ERICH6: variants seen among roughly 807,000 people sequenced by gnomAD.
ERICH6 encodes glutamate-rich protein 6.
ERICH6 carries 71 observed loss-of-function variants against 71.0 expected under a neutral mutation model. That is an observed-to-expected ratio of 1.00 (90% CI 0.83 to 1.22). ERICH6 has a LOEUF of 1.22. Among genes scored for constraint, ERICH6 ranks in the 50% most tolerant of loss-of-function variants. The probability of loss-of-function intolerance (pLI) is 0.00; values close to 1 mark genes in which losing one functional copy is unlikely to be tolerated. For synonymous variants in ERICH6, 262 were observed against 278.4 expected (o/e 0.94, Z 0.59); for missense variants, 808 against 797.2 (o/e 1.01, Z -0.16).
chr3:150,689,275 C>G (rs1021776687), intron 3 of ERICH6, among the ~76,000 whole-genome samples: 2 of 152,104 alleles, frequency 1.3e-5, no homozygotes, highest in African/African-American at 4.8e-5. Context: ...AGGCAGGTAA[C>G]TATTTTATAT....
chr3:150,700,794 G>A (rs112787304), intron 2 of ERICH6, among the ~76,000 whole-genome samples: 5,383 of 152,204 alleles, frequency 0.035, 310 homozygotes, highest in African/African-American at 0.12. Flanking sequence ...ATGTTGGCCA[G>A]GCTGGTCTTG....
chr3:150,696,466 A>G (rs554355963), intron 3 of ERICH6, among the ~76,000 whole-genome samples: 1 of 152,310 alleles, frequency 6.6e-6, no homozygotes, highest in African/African-American at 2.4e-5. Flanking sequence ...TATATTTAAC[A>G]AAAATGACCA....
intron 10 of ERICH6, among the ~76,000 whole-genome samples, chr3:150,677,649 A>C (rs1711714215): frequency 6.6e-6 from 1 of 151,998 alleles, no homozygotes; most frequent in South Asian, 2.1e-4. Flanking sequence ...GGTGCATGTC[A>C]ACATGCATGG....
chr3:150,668,996 C>T (rs1711496367), intron 12 of ERICH6, among the ~76,000 whole-genome samples: 2 of 152,092 alleles, frequency 1.3e-5, no homozygotes, highest in Non-Finnish European at 2.9e-5. Context: ...ATCCCAAATC[C>T]CTAGAGTTAC....
intron 10 of ERICH6, among the ~76,000 whole-genome samples, chr3:150,677,501 A>C (rs1473112235): frequency 6.6e-6 from 1 of 151,362 alleles, no homozygotes; most frequent in Non-Finnish European, 1.5e-5. Context: ...ATGAAAAAAA[A>C]ATTTTTTTTT....
chr3:150,693,125 C>A (rs2108073210), intron 3 of ERICH6, among the ~76,000 whole-genome samples: 1 of 152,258 alleles, frequency 6.6e-6, no homozygotes, highest in East Asian at 1.9e-4. Context: ...CTCCTAAGAA[C>A]AAAATTTGGA....
rs773608227 is a variant in ERICH6 at position 150,682,281 on chromosome 3, A to G, written c.819T>C (p.Phe273=). 1.2e-6 allele frequency: 2 copies of G among 1,613,784 alleles called. No individual in the cohort carries two copies. The highest frequency in any genetic ancestry group is 1.1e-5 in the South Asian group (1 of 91,082). Residue 273 remains phenylalanine (F), a synonymous_variant, in exon 7 of 14, where the codon TTT becomes TTC. Transcript: ENST00000295910. ...AAAATGCTCTTAGATCGCTGCCACA[A>G]AATTCACATTTGGGTGATGTCTCCT... ...EEEETSPKCE[F]CGSDLRAFFS...
At position 150,669,416 on chromosome 3, in the gene ERICH6, G is replaced by A; in HGVS notation, c.1379C>T (p.Pro460Leu). ...PSGNLAIIRVPNKVNGFTCIV... is the reference protein window; with the variant it reads ...PSGNLAIIRVLNKVNGFTCIV... ...ACAAGTAAAACCATTTACCTTGTTG[G>A]GCACTCGAATGATGGCTAGGTTTCC... is the stretch of plus-strand genomic sequence containing the variant. Residue 460 changes from proline (P) to leucine (L), a missense_variant, in exon 12 of 14, where the codon CCC becomes CTC. Physicochemically the swap from Pro to Leu is moderately conservative, Grantham distance 98. This residue lies in a region of ERICH6 where 736 missense variants were observed against 712.2 expected (regional missense o/e 1.03). Coordinates refer to ENST00000295910, the MANE Select transcript of ERICH6 (RefSeq NM_152394.5). 1 of 1,613,392 alleles carries A rather than the reference G, an allele frequency of 6.2e-7. No homozygotes were observed. The highest frequency in any genetic ancestry group is 8.5e-7 in the Non-Finnish European group (1 of 1,179,768).
intron 13 of ERICH6, among the ~76,000 whole-genome samples, chr3:150,663,332 G>A (rs934862209): frequency 3.9e-5 from 6 of 152,314 alleles, no homozygotes; most frequent in East Asian, 1.9e-4. Flanking sequence ...GTGAAACAGC[G>A]TTTAGAGTTG....
chr3:150,671,190 C>G (rs761469309), intron 11 of ERICH6, among the ~76,000 whole-genome samples: 1 of 152,140 alleles, frequency 6.6e-6, no homozygotes, highest in Non-Finnish European at 1.5e-5. Context: ...GTCTAGGGAA[C>G]TAAAACTTCA....
At chr3:150,688,572 A>G (rs2050763743) in intron 3 of ERICH6, among the ~76,000 whole-genome samples, 1 of 152,222 alleles carries the variant, frequency 6.6e-6, no homozygotes, top group Non-Finnish European at 1.5e-5. Flanking sequence ...CTAAGTTGAA[A>G]GGAAAAGTCA....
intron 10 of ERICH6, among the ~76,000 whole-genome samples, chr3:150,676,293 C>A (rs1711650408): frequency 6.6e-6 from 1 of 151,914 alleles, no homozygotes; most frequent in African/African-American, 2.4e-5. Context: ...TTTTCATTTT[C>A]ATTTCAGTTC....
Position 150,667,009 on chromosome 3 carries a change from G to GTA in ERICH6, c.1504_1505dup (p.Ile503ThrfsTer17). 1.2e-6 allele frequency: 2 copies of GTA among 1,612,974 alleles called. No individual in the cohort carries two copies. The highest frequency in any genetic ancestry group is 8.5e-7 in the Non-Finnish European group (1 of 1,179,298). ...AATATTGACCTCCCAAGATATTGATGTATACCCTGGTCAGGAAGGAAATGT... is the reference window on the plus strand; with the variant it reads ...AATATTGACCTCCCAAGATATTGATGTATATACCCTGGTCAGGAAGGAAATGT... On this transcript the variant is annotated frameshift_variant, in exon 13 of 14. Coordinates refer to ENST00000295910, the MANE Select transcript of ERICH6 (RefSeq NM_152394.5). LOFTEE classifies it high-confidence loss of function.
chr3:150,691,220 T>C (rs1712417515), intron 3 of ERICH6, among the ~76,000 whole-genome samples: 1 of 152,196 alleles, frequency 6.6e-6, no homozygotes, highest in Non-Finnish European at 1.5e-5. Context: ...GTAAATGTAA[T>C]GGGATACATA....
At chr3:150,673,146 C>A (rs1001577986) in intron 11 of ERICH6, among the ~76,000 whole-genome samples, 1 of 150,610 alleles carries the variant, frequency 6.6e-6, no homozygotes, top group African/African-American at 2.4e-5. Flanking sequence ...TCCTTCCTTC[C>A]TTCCTCCCTC....
intron 3 of ERICH6, among the ~76,000 whole-genome samples, chr3:150,695,582 C>T (rs146703322): frequency 2.0e-5 from 3 of 151,860 alleles, no homozygotes; most frequent in East Asian, 1.9e-4. Flanking sequence ...GCAAGAGAAT[C>T]GCTTGAACCT....
At chr3:150,701,082 A>T (rs1712852102) in intron 2 of ERICH6, among the ~76,000 whole-genome samples, 1 of 152,196 alleles carries the variant, frequency 6.6e-6, no homozygotes, top group South Asian at 2.1e-4. Flanking sequence ...GAAAAGTAAT[A>T]TAACTTTATG....
chr3:150,664,571 C>T (rs113597460), intron 13 of ERICH6, among the ~76,000 whole-genome samples: 4,967 of 151,368 alleles, frequency 0.033, 251 homozygotes, highest in African/African-American at 0.11. Context: ...CGCTTGAACC[C>T]GGGAGGTGGA....
chr3:150,694,455 T>C (rs1458150696), intron 3 of ERICH6, among the ~76,000 whole-genome samples: 1 of 152,178 alleles, frequency 6.6e-6, no homozygotes, highest in Non-Finnish European at 1.5e-5. Flanking sequence ...AGGTTAAATA[T>C]CTCCATGGGT....
Sources: gnomAD v4.1 joint callset for allele counts (sites outside exome capture counted in the v4.1 genomes callset) on GRCh38, gnomAD v4.1.1 for gene constraint, gnomAD v4.1.1 regional missense constraint, MANE v1.5 for transcripts, NCBI Gene and HGNC (gene_info 2026-07-23, HGNC 2026-07-21) for gene names.